The following POLK variants were observed in gnomAD, a reference collection of about 807,000 sequenced individuals.
POLK encodes the protein DNA polymerase kappa.
Under a neutral mutation model 94.0 loss-of-function variants are expected in POLK, and 76 were observed. The observed-to-expected ratio is 0.81, with a 90% CI of 0.67 to 0.98. The LOEUF is 0.98. Ranked by LOEUF, POLK falls within the 50% of genes least tolerant of loss-of-function variation. POLK has a pLI of 0.00. For missense variants in POLK, 954 were observed against 1,010.1 expected (o/e 0.94, Z 0.75); for synonymous variants, 349 against 325.4 (o/e 1.07, Z -0.78).
At chr5:75,518,784 G>A (rs1381666144) in intron 1 of POLK, among the ~76,000 whole-genome samples, 1 of 152,046 alleles carries the variant, frequency 6.6e-6, no homozygotes, top group African/African-American at 2.4e-5. Flanking sequence ...TGCTACTTTT[G>A]CTTTATCCCA....
At chr5:75,573,095 A>G (rs1771679246) in intron 4 of POLK, among the ~76,000 whole-genome samples, 1 of 152,162 alleles carries the variant, frequency 6.6e-6, no homozygotes, top group Non-Finnish European at 1.5e-5. Flanking sequence ...TCACAATAGC[A>G]AAGACTTGGA....
intron 5 of POLK, among the ~76,000 whole-genome samples, chr5:75,574,090 A>C (rs1032734701): frequency 6.6e-6 from 1 of 152,136 alleles, no homozygotes; most frequent in African/African-American, 2.4e-5. Context: ...TGCAGTTTTC[A>C]TTTGCTTAGA....
At chr5:75,579,678 C>G (rs1772098879) in intron 6 of POLK, among the ~76,000 whole-genome samples, 1 of 151,788 alleles carries the variant, frequency 6.6e-6, no homozygotes, top group Admixed American at 6.6e-5. Context: ...CTGAATTGTT[C>G]TACATTTTAA....
exon 1 of POLK, chr5:75,511,762 C>A: frequency 3.2e-6 from 5 of 1,551,376 alleles, no homozygotes; most frequent in Non-Finnish European, 4.4e-6. Flanking sequence ...ACCCTACCTC[C>A]GGCTCTCCCG....
chr5:75,516,408 C>G (rs1200090913), intron 1 of POLK, among the ~76,000 whole-genome samples: 1 of 151,062 alleles, frequency 6.6e-6, no homozygotes, highest in African/African-American at 2.4e-5. Flanking sequence ...CATAGGGAGA[C>G]CCTACTTTTG....
At chr5:75,561,503 T>C (rs1770975107) in intron 3 of POLK, among the ~76,000 whole-genome samples, 1 of 152,234 alleles carries the variant, frequency 6.6e-6, no homozygotes, top group Non-Finnish European at 1.5e-5. Flanking sequence ...AGAAGCTCTT[T>C]AGTTTAATTA....
Position 75,590,447 on chromosome 5 carries a change from T to C in POLK, c.1356+7T>C, listed in dbSNP as rs555210855. On this transcript the variant is annotated splice_region_variant and intron_variant, in intron 11 of 14. Coordinates refer to ENST00000241436, the Ensembl canonical transcript of POLK. ...ACAGAAAGAAAGACTTAAGGTGCTTTATTTTGATATGGTGTCCTTAGTTTT... is the reference window on the plus strand; with the variant it reads ...ACAGAAAGAAAGACTTAAGGTGCTTCATTTTGATATGGTGTCCTTAGTTTT... 3 of 1,531,714 alleles carry C rather than the reference T, an allele frequency of 2.0e-6. No homozygotes were observed. Among genetic ancestry groups the C allele is most frequent in the Admixed American group, 3.3e-5 (2 of 59,784 alleles). The allele number at this position is 1,531,714 out of a possible 1,614,324, so 94.9% of individuals were successfully genotyped here. A position where few individuals can be genotyped will look rare whatever the true frequency, so the allele number is the denominator to read the frequency against.
intron 13 of POLK, 191 bp downstream of exon 13, chr5:75,597,369 A>C (rs1305198203): frequency 1.3e-5 from 7 of 529,556 alleles, no homozygotes; most frequent in Non-Finnish European, 2.3e-5. Context: ...AATTTGGGGA[A>C]AACTTTGGTT....
downstream of POLK, chr5:75,601,258 G>A (rs1217075108): frequency 6.6e-6 from 1 of 152,062 alleles, no homozygotes; most frequent in Admixed American, 6.6e-5. Context: ...GCAAGAAAGA[G>A]CCATCCCATG....
intron 1 of POLK, among the ~76,000 whole-genome samples, chr5:75,529,397 GACCCAAACACC>G: frequency 8.6e-6 from 1 of 116,840 alleles, no homozygotes; most frequent in African/African-American, 3.0e-5. Flanking sequence ...CTACCCCCAT[GACCCAAACACC>G]TCCCACTAGG....
intron 2 of POLK, among the ~76,000 whole-genome samples, chr5:75,550,115 T>G (rs1205002825): frequency 6.6e-6 from 1 of 152,182 alleles, no homozygotes; most frequent in African/African-American, 2.4e-5. Flanking sequence ...GATGGAACAC[T>G]TCCCAACTCC....
chr5:75,567,336 T>C (rs1215743433), intron 3 of POLK, among the ~76,000 whole-genome samples: 1 of 152,218 alleles, frequency 6.6e-6, no homozygotes, highest in African/African-American at 2.4e-5. Flanking sequence ...TTTACATTTG[T>C]TTTTGTTAAT....
intron 2 of POLK, 55 bp from the exon 3 acceptor site, chr5:75,552,417 A>T: frequency 1.9e-6 from 3 of 1,569,000 alleles, no homozygotes; most frequent in Non-Finnish European, 2.6e-6. Flanking sequence ...GTTATACTAC[A>T]GTGATGCTTT....
exon 13 of POLK, chr5:75,596,388 G>A: frequency 6.2e-7 from 1 of 1,613,626 alleles, no homozygotes; most frequent in Non-Finnish European, 8.5e-7. Context: ...CTCATAAGAA[G>A]AGTTTCTTTG....
chr5:75,569,464 C>G (rs146120634), exon 4 of POLK: 1 of 1,613,102 alleles, frequency 6.2e-7, no homozygotes, highest in Non-Finnish European at 8.5e-7. Flanking sequence ...AAGGATAAAC[C>G]CATTGCTGTA....
chr5:75,519,088 A>T (rs2112529161), intron 1 of POLK, among the ~76,000 whole-genome samples: 1 of 152,326 alleles, frequency 6.6e-6, no homozygotes, highest in Non-Finnish European at 1.5e-5. Flanking sequence ...GACCTCTCAA[A>T]GTGCTGGGAT....
At chr5:75,539,775 AG>A (rs1347184544) in intron 1 of POLK, among the ~76,000 whole-genome samples, 3 of 152,228 alleles carry the variant, frequency 2.0e-5, no homozygotes, top group Non-Finnish European at 4.4e-5. Context: ...AATATTTCTA[AG>A]GAATTTGGAG....
chr5:75,597,710 T>C, intron 13 of POLK, 37 bp from the exon 14 acceptor site: 2 of 1,212,636 alleles, frequency 1.6e-6, no homozygotes, highest in South Asian at 1.6e-5. Flanking sequence ...TTTCATATTA[T>C]TCATTATGGA....
intron 1 of POLK, among the ~76,000 whole-genome samples, chr5:75,545,356 A>G (rs1243985839): frequency 6.6e-6 from 1 of 152,198 alleles, no homozygotes; most frequent in Non-Finnish European, 1.5e-5. Context: ...TATTTATAGC[A>G]TACATGATCC....
Sources: gnomAD v4.1 joint callset for allele counts (sites outside exome capture counted in the v4.1 genomes callset) on GRCh38, gnomAD v4.1.1 for gene constraint, MANE v1.5 for transcripts, NCBI Gene and HGNC (gene_info 2026-07-23, HGNC 2026-07-21) for gene names.